The following MAP2 variants were observed in gnomAD, a reference collection of about 807,000 sequenced individuals.
MAP2 encodes microtubule-associated protein 2.
Under a neutral mutation model 137.6 loss-of-function variants are expected in MAP2, and 14 were observed. That is an observed-to-expected ratio of 0.10 (90% CI 0.07 to 0.16). MAP2 has a LOEUF of 0.16. MAP2 is among the 10% of genes least tolerant of loss of function. The pLI, the probability that MAP2 is intolerant of heterozygous loss-of-function variation, is 1.00. For missense variants in MAP2, 2,088 were observed against 2,191.5 expected, an observed-to-expected ratio of 0.95 and a Z score of 0.94; for synonymous variants, 786 against 782.3, an observed-to-expected ratio of 1.00 and a Z score of -0.08.
intron 3 of MAP2, among the ~76,000 whole-genome samples, chr2:209,623,447 A>G (rs928577612): frequency 6.6e-6 from 1 of 152,232 alleles, no homozygotes; most frequent in African/African-American, 2.4e-5. Context: ...CTTAAAAATC[A>G]TGAAGATGAA....
intron 12 of MAP2, among the ~76,000 whole-genome samples, chr2:209,708,545 T>C (rs1388902533): frequency 6.6e-6 from 1 of 152,158 alleles, no homozygotes; most frequent in Non-Finnish European, 1.5e-5. Context: ...TGAGCTCACA[T>C]CTTGTAAATA....
chr2:209,628,335 C>T (rs935821995), intron 4 of MAP2, among the ~76,000 whole-genome samples: 1 of 152,090 alleles, frequency 6.6e-6, no homozygotes, highest in Admixed American at 6.6e-5. Context: ...CACACAAAAA[C>T]CTTAAATATT....
intron 1 of MAP2, among the ~76,000 whole-genome samples, chr2:209,475,042 G>A (rs1706840353): frequency 6.6e-6 from 1 of 152,024 alleles, no homozygotes; most frequent in Non-Finnish European, 1.5e-5. Flanking sequence ...CTATGTGTAT[G>A]AAGAGGAATG....
At chr2:209,566,326 C>A (rs954165124) in intron 2 of MAP2, among the ~76,000 whole-genome samples, 7 of 152,152 alleles carry the variant, frequency 4.6e-5, no homozygotes, top group Non-Finnish European at 7.4e-5. Context: ...ATTTATAAGG[C>A]TGTATTGGAA....
chr2:209,519,269 T>C (rs199651866), intron 2 of MAP2, among the ~76,000 whole-genome samples: 1 of 152,102 alleles, frequency 6.6e-6, no homozygotes, highest in East Asian at 1.9e-4. Context: ...ACACATGCTT[T>C]CAAGATAAAC....
chr2:209,562,241 TG>T (rs2153350238), intron 2 of MAP2, among the ~76,000 whole-genome samples: 1 of 152,298 alleles, frequency 6.6e-6, no homozygotes, highest in South Asian at 2.1e-4. Flanking sequence ...TATTATACTT[TG>T]GGATTTATCA....
At chr2:209,515,377 G>A (rs2062337020) in intron 2 of MAP2, among the ~76,000 whole-genome samples, 1 of 152,052 alleles carries the variant, frequency 6.6e-6, no homozygotes, top group Non-Finnish European at 1.5e-5. Context: ...CCTGAAGTTG[G>A]GTAATTTATA....
Position 209,731,633 on chromosome 2 carries a change from T to A in MAP2, c.*1236T>A, listed in dbSNP as rs2075788474. 1 of 152,630 alleles carries A rather than the reference T, an allele frequency of 6.6e-6. No homozygotes were observed. The highest frequency in any genetic ancestry group is 1.5e-5 in the Non-Finnish European group (1 of 68,036). The allele number at this position is 152,630 out of a possible 1,614,324, so 9.5% of individuals were successfully genotyped here. Reference sequence around the variant, plus strand: ...AAGATTTTTTCTTTATTTTTCTTTTTTTTTCCATTTGCTAAAGTTGAAAGT... The same window carrying A: ...AAGATTTTTTCTTTATTTTTCTTTTATTTTCCATTTGCTAAAGTTGAAAGT... On this transcript the variant is annotated 3_prime_UTR_variant, in exon 16 of 16. Transcript: ENST00000682079.
chr2:209,451,407 C>G (rs925324936), intron 1 of MAP2, among the ~76,000 whole-genome samples: 1 of 152,150 alleles, frequency 6.6e-6, no homozygotes, highest in Non-Finnish European at 1.5e-5. Flanking sequence ...CCCCTTCCCT[C>G]CATGCCCTGC....
At chr2:209,566,564 T>A (rs890831104) in intron 2 of MAP2, among the ~76,000 whole-genome samples, 2 of 152,204 alleles carry the variant, frequency 1.3e-5, no homozygotes, top group African/African-American at 4.8e-5. Context: ...TTCTTGCTTC[T>A]TCTTCTGATT....
intron 3 of MAP2, among the ~76,000 whole-genome samples, chr2:209,593,634 AATATATATATATAT>A (rs58330460): frequency 3.0e-5 from 1 of 33,644 alleles, no homozygotes; most frequent in African/African-American, 1.3e-4. Flanking sequence ...AAAAAAAAAA[AATATATATATATAT>A]ATATATATAT....
rs182433623 is a variant in MAP2 at position 209,488,386 on chromosome 2, G to A, written c.-221-19206G>A. On this transcript the variant is annotated intron_variant, in intron 1 of 15. Transcript: ENST00000682079. The stretch of plus-strand genomic sequence containing the variant: ...TTGGGCAGACACTGAACTAGCTGCA[G>A]GAGTTTTTTTTTTCATACCCCAGTG... Among the ~76,000 whole-genome samples the A allele has an allele frequency of 4.6e-5, 7 of 152,230 alleles. No homozygotes were observed. The East Asian group carries it at 1.4e-3, about 29-fold the overall frequency.
intron 3 of MAP2, among the ~76,000 whole-genome samples, chr2:209,587,285 C>T (rs1403729167): frequency 1.3e-5 from 2 of 152,150 alleles, no homozygotes; most frequent in African/African-American, 2.4e-5. Context: ...ATTCCATCCT[C>T]TTGCCACCCA....
intron 1 of MAP2, among the ~76,000 whole-genome samples, chr2:209,456,209 TTTA>T (rs1701501327): frequency 6.6e-6 from 1 of 152,146 alleles, no homozygotes; most frequent in African/African-American, 2.4e-5. Context: ...TCGGAAAGGA[TTTA>T]TAAGATCTTC....
intron 5 of MAP2, among the ~76,000 whole-genome samples, chr2:209,664,959 T>C (rs1368386544): frequency 1.4e-5 from 1 of 73,900 alleles, no homozygotes; most frequent in Non-Finnish European, 2.2e-5. Flanking sequence ...CGAAACTCCG[T>C]CTCAAAAAAA....
intron 2 of MAP2, among the ~76,000 whole-genome samples, chr2:209,553,800 G>A (rs1414331172): frequency 6.6e-6 from 1 of 152,170 alleles, no homozygotes; most frequent in Non-Finnish European, 1.5e-5. Context: ...AAAAGAAGAA[G>A]CATCTCTTAA....
chr2:209,716,787 G>T (rs2153790010), intron 13 of MAP2, among the ~76,000 whole-genome samples: 1 of 151,870 alleles, frequency 6.6e-6, no homozygotes, highest in East Asian at 1.9e-4. Context: ...GCTTGTTTTT[G>T]TATATAGCAC....
intron 2 of MAP2, among the ~76,000 whole-genome samples, chr2:209,543,388 A>G (rs1185273726): frequency 1.3e-5 from 2 of 152,234 alleles, no homozygotes; most frequent in Non-Finnish European, 2.9e-5. Context: ...AATTGGCAAA[A>G]TGTGACACAG....
chr2:209,657,626 A>AT lies in MAP2; in HGVS notation c.262+4204dup, dbSNP rs1310258312. On this transcript the variant is annotated intron_variant, in intron 5 of 15. Transcript: ENST00000682079. Reference sequence around the variant, plus strand: ...GTCCGTTGCTCACTTTTTAATGAGGATTTTTTTTTTCTTGTTGAGTTGTTT... The same window carrying AT: ...GTCCGTTGCTCACTTTTTAATGAGGATTTTTTTTTTTCTTGTTGAGTTGTTT... Among the ~76,000 whole-genome samples, 157 of 148,286 alleles carry AT rather than the reference A, an allele frequency of 1.1e-3. No individual in the cohort carries two copies. In the East Asian group the frequency reaches 0.024, roughly 22 times the overall value.
Sources: allele counts gnomAD v4.1 joint callset (sites outside exome capture counted in the v4.1 genomes callset), GRCh38; gene constraint gnomAD v4.1.1; transcripts MANE v1.5; gene names NCBI Gene and HGNC (gene_info 2026-07-23, HGNC 2026-07-21).